Variants in FOXO3 observed in about 807,000 individuals in gnomAD.
FOXO3 encodes the protein forkhead box O3.
Under a neutral mutation model 41.9 loss-of-function variants are expected in FOXO3, and 4 were observed. The observed-to-expected ratio is 0.10, with a 90% confidence interval of 0.05 to 0.22. The LOEUF (loss-of-function observed/expected upper bound fraction) is 0.22. Ranked by LOEUF, FOXO3 falls within the 10% of genes least tolerant of loss-of-function variation. FOXO3 has a pLI of 1.00. For missense variants in FOXO3, 534 were observed against 906.8 expected (o/e 0.59, Z 5.28); for synonymous variants, 318 against 389.3 (o/e 0.82, Z 2.16).
At chr6:108,654,719 T>G (rs1182806199) in intron 1 of FOXO3, among the ~76,000 whole-genome samples, 1 of 152,116 alleles carries the variant, frequency 6.6e-6, no homozygotes, top group Non-Finnish European at 1.5e-5. Flanking sequence ...CCCAACAATG[T>G]TTACTTTAGA....
intron 1 of FOXO3, among the ~76,000 whole-genome samples, chr6:108,572,463 A>G (rs1392052562): frequency 1.3e-5 from 2 of 152,170 alleles, no homozygotes; most frequent in Non-Finnish European, 2.9e-5. Flanking sequence ...ATTTACATTC[A>G]AAAAACCAGC....
intron 1 of FOXO3, among the ~76,000 whole-genome samples, chr6:108,646,110 G>C (rs1778385455): frequency 6.6e-6 from 1 of 152,090 alleles, no homozygotes; most frequent in Admixed American, 6.6e-5. Flanking sequence ...TTCATCCTCA[G>C]GGTCTCCTCA....
intron 1 of FOXO3, among the ~76,000 whole-genome samples, chr6:108,564,339 G>C (rs1391870272): frequency 6.6e-6 from 1 of 152,334 alleles, no homozygotes; most frequent in African/African-American, 2.4e-5. Flanking sequence ...AAAAGGGAGA[G>C]ATCAGGAGCT....
intron 1 of FOXO3, among the ~76,000 whole-genome samples, chr6:108,601,048 G>A (rs1254209969): frequency 6.6e-6 from 1 of 151,338 alleles, no homozygotes; most frequent in African/African-American, 2.4e-5. Context: ...TGCTCTGTCC[G>A]CCAGGCTGGA....
chr6:108,598,928 A>G (rs908667029), intron 1 of FOXO3, among the ~76,000 whole-genome samples: 1 of 152,198 alleles, frequency 6.6e-6, no homozygotes, highest in African/African-American at 2.4e-5. Context: ...ATGGCCGGCA[A>G]GGAGTTTCTC....
At chr6:108,650,090 AG>A (rs1778506760) in intron 1 of FOXO3, among the ~76,000 whole-genome samples, 1 of 152,212 alleles carries the variant, frequency 6.6e-6, no homozygotes, top group Non-Finnish European at 1.5e-5. Context: ...ACCAAGTTAA[AG>A]AGTTCCAGAA....
rs77195335 is a variant in FOXO3 at position 108,678,298 on chromosome 6, A to G, written c.*35-1529A>G. ...GTGTGAGTTTTTTGATGCTTTTTTC[A>G]TTACTTATTTACCTTGTCTGGAGAG... On this transcript the variant is annotated intron_variant, in intron 2 of 2. Transcript: ENST00000406360. Among the ~76,000 whole-genome samples the G allele has an allele frequency of 3.9e-3, 597 of 152,176 alleles. 3 individuals are homozygous for G. The highest frequency in any genetic ancestry group is 0.014 in the African/African-American group (578 of 41,524).
At chr6:108,623,513 G>C (rs1777730162) in intron 1 of FOXO3, among the ~76,000 whole-genome samples, 1 of 152,158 alleles carries the variant, frequency 6.6e-6, no homozygotes, top group East Asian at 1.9e-4. Context: ...CCCAGGCTAG[G>C]CTTCAGCTTT....
intron 2 of FOXO3, among the ~76,000 whole-genome samples, chr6:108,665,431 T>C (rs1779021512): frequency 6.6e-6 from 1 of 152,236 alleles, no homozygotes; most frequent in South Asian, 2.1e-4. Context: ...CTAGACTCTT[T>C]CATATATGAA....
At chr6:108,637,987 ATATACT>A (rs1778162946) in intron 1 of FOXO3, among the ~76,000 whole-genome samples, 1 of 152,236 alleles carries the variant, frequency 6.6e-6, no homozygotes, top group Non-Finnish European at 1.5e-5. Context: ...TGTGAAATAA[ATATACT>A]TAGAAGAAAA....
intron 1 of FOXO3, among the ~76,000 whole-genome samples, chr6:108,576,371 G>A (rs184523035): frequency 6.6e-6 from 1 of 152,256 alleles, no homozygotes; most frequent in Admixed American, 6.5e-5. Flanking sequence ...ATTTTTAGTA[G>A]GTGTTCCTTG....
intron 2 of FOXO3, among the ~76,000 whole-genome samples, chr6:108,666,735 G>A (rs1779073298): frequency 6.6e-6 from 1 of 151,458 alleles, no homozygotes; most frequent in Non-Finnish European, 1.5e-5. Flanking sequence ...GGAGGGAAGT[G>A]CCCTGAACTG....
intron 1 of FOXO3, among the ~76,000 whole-genome samples, chr6:108,632,868 T>A (rs1332083333): frequency 6.6e-6 from 1 of 152,212 alleles, no homozygotes; most frequent in Non-Finnish European, 1.5e-5. Flanking sequence ...GAACTTTAAA[T>A]GGTTTATGTG....
At chr6:108,639,237 A>G (rs1254226763) in intron 1 of FOXO3, among the ~76,000 whole-genome samples, 1 of 152,150 alleles carries the variant, frequency 6.6e-6, no homozygotes, top group Non-Finnish European at 1.5e-5. Flanking sequence ...GGGTGAGGCT[A>G]AATCCTGCTT....
chr6:108,679,326 G>A (rs953419023), intron 2 of FOXO3, among the ~76,000 whole-genome samples: 10 of 152,096 alleles, frequency 6.6e-5, no homozygotes, highest in East Asian at 3.9e-4. Flanking sequence ...TGGGGTATTC[G>A]TGGAAAAGGG....
chr6:108,652,194 T>C (rs758790156), intron 1 of FOXO3, among the ~76,000 whole-genome samples: 1 of 152,214 alleles, frequency 6.6e-6, no homozygotes, highest in Non-Finnish European at 1.5e-5. Flanking sequence ...AGCCTGGATA[T>C]GTAGAAGTTC....
At chr6:108,563,566 G>A (rs981529676) in intron 1 of FOXO3, among the ~76,000 whole-genome samples, 2 of 152,182 alleles carry the variant, frequency 1.3e-5, no homozygotes, top group Admixed American at 1.3e-4. Context: ...TTGGGGGTTC[G>A]AAATGTTTTT....
At chr6:108,610,080 G>T (rs1245755255) in intron 1 of FOXO3, among the ~76,000 whole-genome samples, 1 of 151,950 alleles carries the variant, frequency 6.6e-6, no homozygotes, top group African/African-American at 2.4e-5. Flanking sequence ...TTTGCACTTT[G>T]CTTTGTTTCC....
chr6:108,566,401 T>C (rs149406499), intron 1 of FOXO3, among the ~76,000 whole-genome samples: 5 of 152,334 alleles, frequency 3.3e-5, no homozygotes, highest in East Asian at 3.9e-4. Context: ...CAAGATACTT[T>C]TATTTGGAAA....
Sources: gnomAD v4.1 joint callset for allele counts (sites outside exome capture counted in the v4.1 genomes callset) on GRCh38, gnomAD v4.1.1 for gene constraint, MANE v1.5 for transcripts, NCBI Gene and HGNC (gene_info 2026-07-23, HGNC 2026-07-21) for gene names.